Variants in SAXO1 observed in about 807,000 individuals in gnomAD.
SAXO1 encodes 4930500O09Rik.
A neutral mutation model predicts 17.5 loss-of-function variants in SAXO1; 21 were observed. The observed-to-expected ratio is 1.20, with a 90% CI of 0.85 to 1.72. SAXO1 has a LOEUF of 1.72. SAXO1 is among the 40% of genes most tolerant of loss of function. The probability of loss-of-function intolerance (pLI) is 0.00; values close to 1 mark genes in which losing one functional copy is unlikely to be tolerated. For missense variants in SAXO1, 843 were observed against 596.0 expected, an observed-to-expected ratio of 1.41 and a Z score of -4.32; for synonymous variants, 274 against 216.5, an observed-to-expected ratio of 1.27 and a Z score of -2.33.
Position 18,963,763 on chromosome 9 carries a change from C to A in SAXO1, c.39-12826G>T, listed in dbSNP as rs149459824. The stretch of plus-strand genomic sequence containing the variant: ...ACAGAGACAATTTGACTTCCTCTCT[C>A]CTAATTGAATACCCTTTATTTCTTT... On this transcript the variant is annotated intron_variant, in intron 1 of 3. Transcript: ENST00000380534. 2.7e-3 allele frequency among the ~76,000 whole-genome samples: 417 copies of A among 152,244 alleles called. 3 individuals carry two copies. In the South Asian group the frequency reaches 0.036, roughly 13 times the overall value.
chr9:19,029,797 A>T (rs1835673902), intron 1 of SAXO1, among the ~76,000 whole-genome samples: 1 of 152,218 alleles, frequency 6.6e-6, no homozygotes, highest in African/African-American at 2.4e-5. Context: ...ATTTATTTAA[A>T]TGAAATTGCC....
chr9:19,018,732 A>G (rs968582013), intron 1 of SAXO1, among the ~76,000 whole-genome samples: 3 of 152,210 alleles, frequency 2.0e-5, no homozygotes, highest in African/African-American at 7.2e-5. Context: ...ACCAGGTAAA[A>G]AGGCAGATTC....
chr9:18,942,323 G>A lies in SAXO1; in HGVS notation c.219-484C>T, dbSNP rs1225980960. On this transcript the variant is annotated intron_variant, in intron 2 of 3. Coordinates refer to ENST00000380534, the MANE Select transcript of SAXO1 (RefSeq NM_153707.4). ...TAATTTATAAGCCTTTCTGGACCTG[G>A]CTCCTGCCTGACTCACCCTTGTCTC... Among the ~76,000 whole-genome samples the A allele has an allele frequency of 2.6e-5, 4 of 152,024 alleles. No homozygotes were observed. The South Asian group carries it at 6.2e-4, about 24-fold the overall frequency.
At chr9:18,989,660 T>C (rs6475303) in intron 1 of SAXO1, among the ~76,000 whole-genome samples, 130,219 of 152,158 alleles carry the variant, frequency 0.86, 56,003 homozygotes, top group African/African-American at 0.92. Flanking sequence ...ATAAGTTATA[T>C]AATCACTAAA....
intron 1 of SAXO1, among the ~76,000 whole-genome samples, chr9:18,975,088 G>A (rs1053315986): frequency 5.9e-5 from 9 of 152,182 alleles, no homozygotes; most frequent in African/African-American, 1.7e-4. Context: ...CTTGAATCAG[G>A]TGTTGAAGGA....
At chr9:18,996,673 T>G (rs1834015228) in intron 1 of SAXO1, among the ~76,000 whole-genome samples, 1 of 151,990 alleles carries the variant, frequency 6.6e-6, no homozygotes, top group Non-Finnish European at 1.5e-5. Flanking sequence ...CTCACTAAAC[T>G]AGAAATAGAA....
At chr9:18,939,137 A>T (rs1488506387) in intron 3 of SAXO1, among the ~76,000 whole-genome samples, 1 of 152,178 alleles carries the variant, frequency 6.6e-6, no homozygotes, top group Non-Finnish European at 1.5e-5. Context: ...CGGATATGCC[A>T]TATCACAGTC....
At chr9:18,977,071 T>C (rs1373426184) in intron 1 of SAXO1, among the ~76,000 whole-genome samples, 1 of 152,254 alleles carries the variant, frequency 6.6e-6, no homozygotes, top group African/African-American at 2.4e-5. Flanking sequence ...AATGAGGTCA[T>C]CTTCGTGGAC....
intron 1 of SAXO1, among the ~76,000 whole-genome samples, chr9:18,986,343 T>C (rs1833593565): frequency 6.6e-6 from 1 of 152,224 alleles, no homozygotes; most frequent in Non-Finnish European, 1.5e-5. Context: ...TTATCACCCT[T>C]AGAATATTCC....
At chr9:18,943,405 G>C (rs1474582674) in intron 2 of SAXO1, among the ~76,000 whole-genome samples, 1 of 152,240 alleles carries the variant, frequency 6.6e-6, no homozygotes, top group African/African-American at 2.4e-5. Flanking sequence ...CCAAGGGTCA[G>C]CTCCTACTTC....
At chr9:19,020,946 C>A (rs893608770) in intron 1 of SAXO1, among the ~76,000 whole-genome samples, 2 of 152,208 alleles carry the variant, frequency 1.3e-5, no homozygotes, top group African/African-American at 4.8e-5. Context: ...TATTGTCATC[C>A]AACCCATCTT....
Position 18,928,534 on chromosome 9 carries a change from T to C in SAXO1, c.943A>G (p.Lys315Glu), listed in dbSNP as rs1199920693. The change falls in exon 4 of 4, where the codon AAG (lysine) becomes GAG (glutamate). Residue 315 changes from lysine (K) to glutamate (E), a missense_variant. Physicochemically the swap from Lys to Glu is moderately conservative, Grantham distance 56. Coordinates refer to ENST00000380534, the MANE Select transcript of SAXO1 (RefSeq NM_153707.4). ...CGGCAGGACTGAGCTGGGGCACCCT[T>C]AGGGCATGTGTAATGGGCCTGCACT... Reference protein sequence around the residue: ...TTVQAHYTCPKGAPAQSCRPA... With the variant: ...TTVQAHYTCPEGAPAQSCRPA... The C allele has an allele frequency of 5.6e-6, 9 of 1,613,866 alleles. No individual in the cohort carries two copies. The highest frequency in any genetic ancestry group is 6.8e-6 in the Non-Finnish European group (8 of 1,179,968).
intron 3 of SAXO1, among the ~76,000 whole-genome samples, chr9:18,934,564 T>C (rs1360586161): frequency 1.3e-5 from 2 of 152,244 alleles, no homozygotes; most frequent in Non-Finnish European, 1.5e-5. Flanking sequence ...ATTGTTGTCA[T>C]ACTTTTATTT....
At chr9:19,001,137 A>G (rs762940057) in intron 1 of SAXO1, among the ~76,000 whole-genome samples, 14 of 152,206 alleles carry the variant, frequency 9.2e-5, no homozygotes, top group Non-Finnish European at 1.9e-4. Context: ...CAGAATATAC[A>G]TTCTTCTCAG....
At chr9:18,992,114 G>C (rs1460612472) in intron 1 of SAXO1, among the ~76,000 whole-genome samples, 1 of 152,168 alleles carries the variant, frequency 6.6e-6, no homozygotes, top group African/African-American at 2.4e-5. Flanking sequence ...GGGAAATCAG[G>C]CTGAAAAGAT....
intron 1 of SAXO1, among the ~76,000 whole-genome samples, chr9:19,008,017 G>A (rs551245745): frequency 3.3e-5 from 5 of 151,444 alleles, no homozygotes; most frequent in Non-Finnish European, 5.9e-5. Context: ...ACCCAGTCTG[G>A]AGTACAGTGG....
intron 1 of SAXO1, among the ~76,000 whole-genome samples, chr9:18,998,500 G>A (rs1834105926): frequency 6.6e-6 from 1 of 152,210 alleles, no homozygotes; most frequent in African/African-American, 2.4e-5. Context: ...TGGTGTACCT[G>A]AAAGTGATGG....
At chr9:19,021,473 G>C (rs1490629873) in intron 1 of SAXO1, among the ~76,000 whole-genome samples, 1 of 152,182 alleles carries the variant, frequency 6.6e-6, no homozygotes, top group African/African-American at 2.4e-5. Flanking sequence ...CGCCAGCAGA[G>C]GCTGTAGAAG....
At chr9:18,939,767 T>G (rs982438421) in intron 3 of SAXO1, among the ~76,000 whole-genome samples, 4 of 152,174 alleles carry the variant, frequency 2.6e-5, no homozygotes, top group Non-Finnish European at 5.9e-5. Context: ...TTTGATAAAA[T>G]AATATGATTT....
Sources: gnomAD v4.1 joint callset for allele counts (sites outside exome capture counted in the v4.1 genomes callset) on GRCh38, gnomAD v4.1.1 for gene constraint, MANE v1.5 for transcripts, NCBI Gene and HGNC (gene_info 2026-07-23, HGNC 2026-07-21) for gene names.